Variants in NBEA observed in about 807,000 individuals in gnomAD.
The protein encoded by NBEA is lysosomal-trafficking regulator 2.
In NBEA, 44 loss-of-function variants were observed where a neutral mutation model predicts 343.4. That is an observed-to-expected ratio of 0.13 (90% CI 0.10 to 0.16). The LOEUF (loss-of-function observed/expected upper bound fraction) is 0.16, where lower values mean the gene tolerates loss of function less well. Ranked by LOEUF, NBEA falls within the 10% of genes least tolerant of loss-of-function variation. The probability of loss-of-function intolerance (pLI) is 1.00; values close to 1 mark genes in which losing one functional copy is unlikely to be tolerated. For synonymous variants in NBEA, 1,175 were observed against 1,238.7 expected (o/e 0.95, Z 1.08); for missense variants, 2,555 against 3,631.3 (o/e 0.70, Z 7.62).
At chr13:35,017,658 A>AT (rs1439835200) in intron 1 of NBEA, among the ~76,000 whole-genome samples, 1 of 152,148 alleles carries the variant, frequency 6.6e-6, no homozygotes, top group Non-Finnish European at 1.5e-5. Flanking sequence ...AATGGCTTAT[A>AT]TTTTTAATTA....
At chr13:35,230,806 G>A (rs1222810646) in intron 33 of NBEA, among the ~76,000 whole-genome samples, 14 of 151,998 alleles carry the variant, frequency 9.2e-5, no homozygotes, top group African/African-American at 2.9e-4. Flanking sequence ...CTCAAAGTGT[G>A]TTTCCTGGAT....
At chr13:35,585,350 T>A (rs529071809) in intron 46 of NBEA, among the ~76,000 whole-genome samples, 1 of 152,174 alleles carries the variant, frequency 6.6e-6, no homozygotes, top group African/African-American at 2.4e-5. Flanking sequence ...GGTCACATAT[T>A]ATGCAGATAG....
chr13:35,017,626 T>TA (rs1258573935), intron 1 of NBEA, among the ~76,000 whole-genome samples: 16 of 152,298 alleles, frequency 1.1e-4, no homozygotes, highest in African/African-American at 3.8e-4. Context: ...AAATATCTGT[T>TA]AAGATCATTT....
At chr13:34,994,565 C>T (rs1040322773) in intron 1 of NBEA, among the ~76,000 whole-genome samples, 1 of 152,030 alleles carries the variant, frequency 6.6e-6, no homozygotes, top group African/African-American at 2.4e-5. Context: ...GGTTATTTTT[C>T]AGATACAATT....
chr13:35,074,826 G>A (rs1323898499), intron 10 of NBEA, among the ~76,000 whole-genome samples: 1 of 152,078 alleles, frequency 6.6e-6, no homozygotes, highest in Non-Finnish European at 1.5e-5. Context: ...GGGGAGGGAA[G>A]TGGCTAAAAC....
intron 17 of NBEA, among the ~76,000 whole-genome samples, chr13:35,137,814 TTAAAA>T (rs1429330624): frequency 4.6e-5 from 7 of 152,036 alleles, no homozygotes; most frequent in South Asian, 4.2e-4. Context: ...GAAAAATGAG[TTAAAA>T]TAAAAATCAT....
At chr13:35,269,769 A>G (rs886605657) in intron 34 of NBEA, among the ~76,000 whole-genome samples, 1 of 152,168 alleles carries the variant, frequency 6.6e-6, no homozygotes, top group Non-Finnish European at 1.5e-5. Context: ...ATATAGAGGA[A>G]AAAGAACCAT....
intron 34 of NBEA, among the ~76,000 whole-genome samples, chr13:35,244,630 G>T (rs940531667): frequency 6.6e-6 from 1 of 151,932 alleles, no homozygotes; most frequent in Non-Finnish European, 1.5e-5. Flanking sequence ...TTTGAGGATT[G>T]TTTTTTCTAG....
chr13:35,233,918 T>C (rs552338543), intron 34 of NBEA, among the ~76,000 whole-genome samples: 2 of 152,250 alleles, frequency 1.3e-5, no homozygotes, highest in East Asian at 3.9e-4. Context: ...ATAGGCCTCA[T>C]GGTAAAAGTT....
chr13:35,397,067 A>G (rs889461337), intron 38 of NBEA, among the ~76,000 whole-genome samples: 1 of 152,132 alleles, frequency 6.6e-6, no homozygotes, highest in Non-Finnish European at 1.5e-5. Context: ...ACTGAAGCCA[A>G]AGTAAGATAA....
chr13:35,453,606 T>C (rs1038050908), intron 40 of NBEA, among the ~76,000 whole-genome samples: 4 of 152,226 alleles, frequency 2.6e-5, no homozygotes, highest in African/African-American at 4.8e-5. Flanking sequence ...CTGACCCTTT[T>C]AGATTATGTG....
chr13:35,492,819 T>C (rs1389418748), intron 41 of NBEA, among the ~76,000 whole-genome samples: 1 of 151,968 alleles, frequency 6.6e-6, no homozygotes, highest in South Asian at 2.1e-4. Flanking sequence ...TGAGGTAAGC[T>C]TCAAGAAGGG....
chr13:35,228,439 G>A (rs541188270), intron 33 of NBEA, among the ~76,000 whole-genome samples: 1 of 150,574 alleles, frequency 6.6e-6, no homozygotes, highest in African/African-American at 2.4e-5. Context: ...TGGATATATT[G>A]CGTAGTTGTG....
chr13:35,566,069 G>T (rs1266671708), intron 44 of NBEA, among the ~76,000 whole-genome samples: 1 of 152,120 alleles, frequency 6.6e-6, no homozygotes, highest in East Asian at 1.9e-4. Flanking sequence ...CATTATAATA[G>T]AATACCATCA....
At chr13:35,265,874 A>G (rs2033628178) in intron 34 of NBEA, among the ~76,000 whole-genome samples, 1 of 151,994 alleles carries the variant, frequency 6.6e-6, no homozygotes, top group African/African-American at 2.4e-5. Flanking sequence ...CAAACTAAAA[A>G]TCTTCGGCAC....
intron 40 of NBEA, among the ~76,000 whole-genome samples, chr13:35,461,369 A>C (rs2046895376): frequency 6.6e-6 from 1 of 152,188 alleles, no homozygotes; most frequent in Non-Finnish European, 1.5e-5. Flanking sequence ...CTCTGTATGG[A>C]GAATTTATCA....
chr13:35,495,136 G>C, intron 41 of NBEA, among the ~76,000 whole-genome samples: 1 of 151,876 alleles, frequency 6.6e-6, no homozygotes, highest in East Asian at 1.9e-4. Flanking sequence ...ACCCAGTTTA[G>C]GTTCAAAGAT....
At chr13:35,667,988 A>G (rs2085438324) in intron 57 of NBEA, among the ~76,000 whole-genome samples, 1 of 152,196 alleles carries the variant, frequency 6.6e-6, no homozygotes, top group Admixed American at 6.5e-5. Context: ...TCATTATTAA[A>G]CACTGTTTTG....
chr13:35,147,737 A>G (rs2068523346), intron 18 of NBEA, among the ~76,000 whole-genome samples: 1 of 152,254 alleles, frequency 6.6e-6, no homozygotes, highest in East Asian at 1.9e-4. Flanking sequence ...GATATTTTCC[A>G]AAAGGGGATC....
Sources: gnomAD v4.1 joint callset for allele counts (sites outside exome capture counted in the v4.1 genomes callset) on GRCh38, gnomAD v4.1.1 for gene constraint, MANE v1.5 for transcripts, NCBI Gene and HGNC (gene_info 2026-07-23, HGNC 2026-07-21) for gene names.